The following CADM2 variants were observed in gnomAD, a reference collection of about 807,000 sequenced individuals.
CADM2 encodes the protein immunoglobulin superfamily member 4D.
In CADM2, 12 loss-of-function variants were observed where a neutral mutation model predicts 49.8. The observed-to-expected ratio is 0.24, with a 90% CI of 0.15 to 0.39. The LOEUF is 0.39. Among genes scored for constraint, CADM2 ranks in the 10% least tolerant of loss-of-function variants. The pLI, the probability that CADM2 is intolerant of heterozygous loss-of-function variation, is 1.00. For synonymous variants in CADM2, 214 were observed against 175.4 expected (o/e 1.22, Z -1.74); for missense variants, 378 against 492.3 (o/e 0.77, Z 2.20).
chr3:85,125,888 G>A (rs2039018210), intron 1 of CADM2, among the ~76,000 whole-genome samples: 1 of 152,056 alleles, frequency 6.6e-6, no homozygotes, highest in Admixed American at 6.6e-5. Context: ...CTTTTTATCT[G>A]TAAAATTAGA....
intron 8 of CADM2, among the ~76,000 whole-genome samples, chr3:86,047,903 G>A (rs1445584496): frequency 6.6e-6 from 1 of 152,112 alleles, no homozygotes; most frequent in Non-Finnish European, 1.5e-5. Flanking sequence ...GATAGGAAGA[G>A]GAAGATATCG....
intron 1 of CADM2, among the ~76,000 whole-genome samples, chr3:85,121,729 A>T (rs146969631): frequency 6.6e-6 from 1 of 152,238 alleles, no homozygotes; most frequent in African/African-American, 2.4e-5. Context: ...CAGTAATATT[A>T]CCTATCTTTG....
At chr3:85,649,672 A>T (rs755130887) in intron 1 of CADM2, among the ~76,000 whole-genome samples, 10 of 152,164 alleles carry the variant, frequency 6.6e-5, no homozygotes, top group Non-Finnish European at 1.3e-4. Flanking sequence ...AGGTACCAGG[A>T]CTTCTCTTAA....
intron 1 of CADM2, among the ~76,000 whole-genome samples, chr3:85,021,224 G>T (rs748554084): frequency 6.6e-6 from 1 of 151,508 alleles, no homozygotes; most frequent in African/African-American, 2.4e-5. Flanking sequence ...AAATTTTGTC[G>T]TTTTTTAAAA....
chr3:85,542,156 T>C (rs953670649), intron 1 of CADM2, among the ~76,000 whole-genome samples: 12 of 152,062 alleles, frequency 7.9e-5, no homozygotes, highest in South Asian at 2.1e-4. Flanking sequence ...CTCTCACCCA[T>C]TGAGCCACAA....
chr3:85,963,090 A>G (rs368034554), intron 8 of CADM2, among the ~76,000 whole-genome samples: 1 of 151,902 alleles, frequency 6.6e-6, no homozygotes, highest in Non-Finnish European at 1.5e-5. Flanking sequence ...GTTGGAAAAA[A>G]TTAATATGTT....
chr3:85,685,643 A>C (rs1482750274), intron 1 of CADM2, among the ~76,000 whole-genome samples: 1 of 136,320 alleles, frequency 7.3e-6, no homozygotes, highest in South Asian at 2.3e-4. Flanking sequence ...TTTGTTTTTA[A>C]GACGGAGTCT....
At chr3:85,588,312 G>T (rs139317693) in intron 1 of CADM2, among the ~76,000 whole-genome samples, 4 of 152,090 alleles carry the variant, frequency 2.6e-5, no homozygotes, top group Non-Finnish European at 4.4e-5. Flanking sequence ...ACGGTGGCTT[G>T]TGTGGTTAAG....
intron 2 of CADM2, among the ~76,000 whole-genome samples, chr3:85,796,258 A>G (rs2071615797): frequency 6.6e-6 from 1 of 152,112 alleles, no homozygotes; most frequent in Non-Finnish European, 1.5e-5. Context: ...GTGTTTTGAA[A>G]CCATTTGGAG....
intron 8 of CADM2, among the ~76,000 whole-genome samples, chr3:85,963,264 T>C (rs1725066858): frequency 6.6e-6 from 1 of 151,930 alleles, no homozygotes; most frequent in African/African-American, 2.4e-5. Context: ...TTTCTAGCAC[T>C]TCATGAATTG....
chr3:85,221,918 A>G (rs971200699), intron 1 of CADM2, among the ~76,000 whole-genome samples: 2 of 152,150 alleles, frequency 1.3e-5, no homozygotes, highest in Admixed American at 6.6e-5. Context: ...TGATAAAGAA[A>G]GCAAAATATA....
chr3:85,693,488 A>G (rs538392574), intron 1 of CADM2, among the ~76,000 whole-genome samples: 31 of 150,200 alleles, frequency 2.1e-4, no homozygotes, highest in African/African-American at 6.3e-4. Flanking sequence ...GCTGAGGCAG[A>G]AGAATGGCGT....
chr3:85,083,242 G>T lies in CADM2; in HGVS notation c.61+123574G>T, dbSNP rs563945996. 1.6e-3 allele frequency among the ~76,000 whole-genome samples: 248 copies of T among 152,154 alleles called. 1 individual carries two copies. Among genetic ancestry groups the T allele is most frequent in the Non-Finnish European group, 3.3e-3 (224 of 67,998 alleles). On this transcript the variant is annotated intron_variant, in intron 1 of 9. Transcript: ENST00000383699. ...AAGTGTCAACTCTTAATCTTGATAA[G>T]GTCAGAAAGGGGTAAAATTAAAATT...
At chr3:85,576,639 A>G (rs1390477886) in intron 1 of CADM2, among the ~76,000 whole-genome samples, 1 of 151,772 alleles carries the variant, frequency 6.6e-6, no homozygotes, top group Non-Finnish European at 1.5e-5. Flanking sequence ...GTGCATTCTG[A>G]CTCTTTTTAT....
At chr3:84,987,873 A>G (rs1246917282) in intron 1 of CADM2, among the ~76,000 whole-genome samples, 1 of 152,098 alleles carries the variant, frequency 6.6e-6, no homozygotes, top group Non-Finnish European at 1.5e-5. Context: ...TGTTTTCCTA[A>G]TTGGTGGAAC....
intron 1 of CADM2, among the ~76,000 whole-genome samples, chr3:85,091,410 A>T (rs1024624422): frequency 6.6e-6 from 1 of 152,210 alleles, no homozygotes; most frequent in Non-Finnish European, 1.5e-5. Flanking sequence ...TATATATTAA[A>T]CATACGAAGT....
chr3:85,507,199 T>TG (rs1018399634), intron 1 of CADM2, among the ~76,000 whole-genome samples: 4 of 151,570 alleles, frequency 2.6e-5, no homozygotes, highest in African/African-American at 9.7e-5. Context: ...TTTTTTTTTT[T>TG]TTGAGACAGA....
chr3:85,467,961 C>T (rs900399869), intron 1 of CADM2, among the ~76,000 whole-genome samples: 2 of 151,526 alleles, frequency 1.3e-5, no homozygotes, highest in Admixed American at 1.3e-4. Context: ...GAGACCATCC[C>T]GGCTAAAACG....
chr3:85,465,680 T>A (rs1182617588), intron 1 of CADM2, among the ~76,000 whole-genome samples: 2 of 152,194 alleles, frequency 1.3e-5, no homozygotes, highest in Admixed American at 1.3e-4. Flanking sequence ...GTTACATTTA[T>A]CTTTGTTGTT....
Sources: allele counts gnomAD v4.1 joint callset (sites outside exome capture counted in the v4.1 genomes callset), GRCh38; gene constraint gnomAD v4.1.1; transcripts MANE v1.5; gene names NCBI Gene and HGNC (gene_info 2026-07-23, HGNC 2026-07-21).